SCRG1: variants seen among roughly 807,000 people sequenced by gnomAD.
SCRG1 encodes stimulator of chondrogenesis 1, also known as scrapie-responsive protein 1.
SCRG1 carries 3 observed loss-of-function variants against 7.7 expected under a neutral mutation model. That is an observed-to-expected ratio of 0.39 (90% confidence interval 0.18 to 1.01). The LOEUF is 1.01. SCRG1 is among the 50% of genes least tolerant of loss of function. The pLI is 0.36. For synonymous variants in SCRG1, 46 were observed against 41.2 expected (o/e 1.12, Z -0.44); for missense variants, 110 against 117.2 (o/e 0.94, Z 0.28).
At chr4:173,393,497 C>T (rs1181114488) in intron 1 of SCRG1, among the ~76,000 whole-genome samples, 2 of 152,088 alleles carry the variant, frequency 1.3e-5, no homozygotes, top group Non-Finnish European at 2.9e-5. Context: ...ATGATATCTT[C>T]CAATGGGCTT....
chr4:173,393,324 G>C (rs1188227172), intron 1 of SCRG1, among the ~76,000 whole-genome samples: 2 of 151,954 alleles, frequency 1.3e-5, no homozygotes, highest in African/African-American at 4.8e-5. Context: ...TTTTGGCTTT[G>C]GCTATATATT....
At chr4:173,440,561 C>T in the SCRG1 span, among the ~76,000 whole-genome samples, 9 of 152,222 alleles carry the variant, frequency 5.9e-5, no homozygotes, top group Admixed American at 2.6e-4. Context: ...AATCTGGGAA[C>T]GGAGACATAT....
At chr4:173,509,727 G>T in the SCRG1 span, among the ~76,000 whole-genome samples, 1 of 152,286 alleles carries the variant, frequency 6.6e-6, no homozygotes, top group East Asian at 1.9e-4. The surrounding 1 kb of genome is among the most constrained non-coding windows in gnomAD (Gnocchi z 5.7). Context: ...CCCACCCCAG[G>T]GCCCTTCTCG....
the SCRG1 span, among the ~76,000 whole-genome samples, chr4:173,518,438 G>C: frequency 6.6e-6 from 1 of 152,206 alleles, no homozygotes; most frequent in African/African-American, 2.4e-5. Context: ...TTCTGCAACA[G>C]AGTTTCCAAC....
the SCRG1 span, among the ~76,000 whole-genome samples, chr4:173,458,676 A>G: frequency 5.9e-5 from 9 of 152,354 alleles, no homozygotes; most frequent in South Asian, 1.7e-3. Context: ...ATAAATAGTA[A>G]GAGAGGAAGA....
the SCRG1 span, among the ~76,000 whole-genome samples, chr4:173,494,443 T>C: frequency 6.6e-6 from 1 of 152,194 alleles, no homozygotes; most frequent in Non-Finnish European, 1.5e-5. Flanking sequence ...AATCTATGTT[T>C]CCAAAGAGCG....
the SCRG1 span, among the ~76,000 whole-genome samples, chr4:173,498,181 T>G: frequency 6.6e-6 from 1 of 152,242 alleles, no homozygotes; most frequent in African/African-American, 2.4e-5. Flanking sequence ...AAGACTCTTA[T>G]AAACAAATCA....
chr4:173,441,745 C>T, the SCRG1 span, among the ~76,000 whole-genome samples: 1 of 152,110 alleles, frequency 6.6e-6, no homozygotes, highest in Non-Finnish European at 1.5e-5. Flanking sequence ...TGCAGTGGCT[C>T]ACACCTGTGA....
the SCRG1 span, among the ~76,000 whole-genome samples, chr4:173,514,342 A>G: frequency 6.6e-6 from 1 of 152,196 alleles, no homozygotes; most frequent in Non-Finnish European, 1.5e-5. Flanking sequence ...AAAGATTGAC[A>G]TTGTCTAATA....
the SCRG1 span, among the ~76,000 whole-genome samples, chr4:173,423,658 CT>C: frequency 1.2e-3 from 182 of 151,024 alleles, 1 homozygote; most frequent in East Asian, 6.6e-3. Context: ...TCTTTTATCT[CT>C]TTTTTTTTAA....
chr4:173,457,403 AT>A, the SCRG1 span, among the ~76,000 whole-genome samples: 1 of 152,218 alleles, frequency 6.6e-6, no homozygotes, highest in African/African-American at 2.4e-5. Flanking sequence ...AATAGAGCCA[AT>A]TCCTGGTGTT....
chr4:173,449,666 C>A, the SCRG1 span, among the ~76,000 whole-genome samples: 1 of 152,232 alleles, frequency 6.6e-6, no homozygotes. Context: ...CCAAAGCAAG[C>A]CAGGCACATG....
the SCRG1 span, among the ~76,000 whole-genome samples, chr4:173,479,028 C>T: frequency 6.6e-6 from 1 of 152,218 alleles, no homozygotes; most frequent in African/African-American, 2.4e-5. Flanking sequence ...AGCCGTCATT[C>T]CCACAGTAAG....
At chr4:173,474,172 A>AG in the SCRG1 span, among the ~76,000 whole-genome samples, 2 of 152,172 alleles carry the variant, frequency 1.3e-5, no homozygotes, top group Non-Finnish European at 1.5e-5. Flanking sequence ...TTCCATCTCA[A>AG]GAAAAAAAAA....
At chr4:173,433,735 C>T in the SCRG1 span, among the ~76,000 whole-genome samples, 3 of 152,294 alleles carry the variant, frequency 2.0e-5, no homozygotes, top group East Asian at 1.9e-4. Context: ...CTCTTAGAAC[C>T]TCACTGCAAT....
chr4:173,404,881 A>G (rs1399988108), intron 1 of SCRG1, among the ~76,000 whole-genome samples: 1 of 152,180 alleles, frequency 6.6e-6, no homozygotes, highest in Non-Finnish European at 1.5e-5. Context: ...TTAAACAAAC[A>G]TTTTTATTTT....
the SCRG1 span, among the ~76,000 whole-genome samples, chr4:173,423,566 A>C: frequency 6.6e-6 from 1 of 152,164 alleles, no homozygotes; most frequent in Non-Finnish European, 1.5e-5. Flanking sequence ...TTTATTTTAA[A>C]CTATTAATAA....
chr4:173,476,349 A>AG, the SCRG1 span, among the ~76,000 whole-genome samples: 670 of 42,400 alleles, frequency 0.016, 15 homozygotes, highest in African/African-American at 0.043. Flanking sequence ...TAAATCTCTG[A>AG]GGGGGAAAAA....
the SCRG1 span, among the ~76,000 whole-genome samples, chr4:173,511,508 TAAAC>T: frequency 7.9e-5 from 12 of 152,252 alleles, no homozygotes; most frequent in Admixed American, 6.5e-4. This position sits in a 1 kb window ranked among gnomAD's most constrained non-coding sequence, Gnocchi z 5.2. Flanking sequence ...TTATCTTTCT[TAAAC>T]AAGAGGTCCC....
Sources: allele counts gnomAD v4.1 joint callset (sites outside exome capture counted in the v4.1 genomes callset), GRCh38; gene constraint gnomAD v4.1.1; non-coding constraint Gnocchi (gnomAD v3.1); transcripts MANE v1.5; gene names NCBI Gene and HGNC (gene_info 2026-07-23, HGNC 2026-07-21).